WDR24: variants seen among roughly 807,000 people sequenced by gnomAD.
WDR24 encodes the protein WD repeat domain 24.
WDR24 carries 32 observed loss-of-function variants against 66.7 expected under a neutral mutation model. The ratio of observed to expected loss-of-function variants is 0.48; its 90% confidence interval spans 0.36 to 0.64. The LOEUF (loss-of-function observed/expected upper bound fraction) is 0.64, where lower values mean the gene tolerates loss of function less well. Among genes scored for constraint, WDR24 ranks in the 30% least tolerant of loss-of-function variants. The pLI, the probability that WDR24 is intolerant of heterozygous loss-of-function variation, is 0.00. For missense variants in WDR24, 978 were observed against 1,144.1 expected, an observed-to-expected ratio of 0.85 and a Z score of 2.09; for synonymous variants, 565 against 469.1, an observed-to-expected ratio of 1.20 and a Z score of -2.64.
rs573965981 is a variant in WDR24 at position 685,589 on chromosome 16, G to C, written c.1687C>G (p.Pro563Ala). 1.3e-6 allele frequency: 2 copies of C among 1,597,720 alleles called. No homozygotes were observed. Among genetic ancestry groups the C allele is most frequent in the East Asian group, 2.2e-5 (1 of 44,594 alleles). ...LDPEHAHPED[P>A]ECVLPQEAFP... ...GCCTCCTGCGGCAGCACGCACTCAG[G>C]GTCCTCGGCTGGAAGGCAGGGACCA... The change falls in exon 7 of 9, where the codon CCT (proline) becomes GCT (alanine). Residue 563 changes from proline to alanine, a missense_variant. By Grantham distance (27) the Pro-to-Ala change is conservative. This residue lies in a region of WDR24 where 676 missense variants were observed against 617.5 expected (regional missense o/e 1.09). Coordinates refer to ENST00000293883, the MANE Select transcript of WDR24 (RefSeq NM_032259.4).
rs375705950 is a variant in WDR24 at position 686,858 on chromosome 16, G to A, written c.1218C>T (p.Gly406=). The A allele has an allele frequency of 5.6e-5, 90 of 1,610,580 alleles. No homozygotes were observed. Among genetic ancestry groups the A allele is most frequent in the African/African-American group, 6.7e-5 (5 of 75,058 alleles). Residue 406 remains glycine, a synonymous_variant, in exon 3 of 9, where the codon GGC becomes GGT. Transcript: ENST00000293883. ...TGTCCACAAACCAGCGCATGCCGCC[G>A]CCACCTGGCTCCGTCTCAAAGACAC... ...ALSVFETEPG[G]GGMRWFVDTA... is the part of the protein sequence containing the mutation.
chr16:689,807 C>A lies in WDR24; in HGVS notation c.-167G>T. The A allele has an allele frequency of 9.1e-7, 1 of 1,103,294 alleles. No homozygotes were observed. Among genetic ancestry groups the A allele is most frequent in the Non-Finnish European group, 1.3e-6 (1 of 762,924 alleles). 68.3% of individuals were successfully genotyped at this position (1,103,294 alleles called of 1,614,324 possible). ...AGCCAATCCAGGGCTGTCTATCAGCCAATCAGCCTGACAGGCAAGCTCAAA... is the reference window on the plus strand; with the variant it reads ...AGCCAATCCAGGGCTGTCTATCAGCAAATCAGCCTGACAGGCAAGCTCAAA... On this transcript the variant is annotated 5_prime_UTR_variant, in exon 1 of 9. Coordinates refer to ENST00000293883, the MANE Select transcript of WDR24 (RefSeq NM_032259.4).
In WDR24 at chr16:685,884, G is replaced by C; in HGVS notation, c.1558C>G (p.Leu520Val). 2.5e-6 allele frequency: 4 copies of C among 1,613,220 alleles called. No homozygotes were observed. The highest frequency in any genetic ancestry group is 3.4e-6 in the Non-Finnish European group (4 of 1,179,998). ...DTVLLDSSAT[L>V]ITNEDNEETE... ...CCCAGCCTACCCTCATTGGTGATGAGTGTGGCCGAGGAGTCGAGCAGAACT... is the reference window on the plus strand; with the variant it reads ...CCCAGCCTACCCTCATTGGTGATGACTGTGGCCGAGGAGTCGAGCAGAACT... The change falls in exon 5 of 9, where the codon CTC (leucine) becomes GTC (valine). Residue 520 changes from leucine (L) to valine (V), a missense_variant. Physicochemically the swap from Leu to Val is conservative, Grantham distance 32 (BLOSUM62 1). Around this residue, in one of 2 missense-constraint regions of WDR24, gnomAD observed 676 missense variants for 617.5 expected, o/e 1.09. Transcript: ENST00000293883.
rs776275434 is a variant in WDR24, at chr16:685,692, C to T, written c.1665G>A (p.Pro555=). The T allele has an allele frequency of 6.8e-6, 11 of 1,613,136 alleles. No individual in the cohort carries two copies. The highest frequency in any genetic ancestry group is 5.0e-5 in the Admixed American group (3 of 60,022). Residue 555 remains proline, a synonymous_variant, in exon 6 of 9, where the codon CCG becomes CCA. Transcript: ENST00000293883. The part of the protein sequence containing the change: ...GEEDELYLLD[P]EHAHPEDPEC... ...ACCCCCACTCACGGTGCGCGTGTTCCGGATCCAGCAGGTACAGCTCGTCCT... is the reference window on the plus strand; with the variant it reads ...ACCCCCACTCACGGTGCGCGTGTTCTGGATCCAGCAGGTACAGCTCGTCCT...
chr16:685,215 C>G, intron 7 of WDR24, 39 bp from the exon 8 acceptor site: 2 of 1,597,856 alleles, frequency 1.3e-6, no homozygotes, highest in Middle Eastern at 1.7e-4. Flanking sequence ...ATCTGGGTGC[C>G]AGGGGCGGCG....
rs771124128 is a variant in WDR24, at chr16:685,509, C to A, written c.1767G>T (p.Gln589His). The A allele has an allele frequency of 6.3e-7, 1 of 1,593,972 alleles. No homozygotes were observed. The highest frequency in any genetic ancestry group is 8.6e-7 in the Non-Finnish European group (1 of 1,166,782). ...TCACGTGCGGGGAGTCGGCCTTGTC[C>A]TGCAGGTGCTCGGGCCCGGGAGGCG... ...VDTPPGPEHL[Q>H]DKADSPHVSG... Residue 589 changes from glutamine to histidine, a missense_variant, in exon 7 of 9, where the codon CAG becomes CAT. By Grantham distance (24) the Gln-to-His change is conservative (BLOSUM62 0). Transcript: ENST00000293883.
chr16:687,549 C>A lies in WDR24; in HGVS notation c.659+13G>T. On this transcript the variant is annotated intron_variant, in intron 2 of 8. Coordinates refer to ENST00000293883, the MANE Select transcript of WDR24 (RefSeq NM_032259.4). ...TACTGTCAACCTACTGCCCCTGCACCCCCATGCCACACCTGTCCTCGGGGT... is the reference window on the plus strand; with the variant it reads ...TACTGTCAACCTACTGCCCCTGCACACCCATGCCACACCTGTCCTCGGGGT... The A allele has an allele frequency of 6.2e-7, 1 of 1,610,448 alleles. No homozygotes were observed. Among genetic ancestry groups the A allele is most frequent in the African/African-American group, 1.3e-5 (1 of 75,040 alleles).
Position 685,304 on chromosome 16 carries a change from T to G in WDR24, c.1972A>C (p.Ile658Leu). 6.2e-7 allele frequency: 1 copy of G among 1,600,548 alleles called. No individual in the cohort carries two copies. ...TTGCGCACCCGTTCACCCAGGACGA[T>G]GAGCACAGACACAGCCATCTGCACG... ...GDVQMAVSVL[I>L]VLGERVRKDI... Residue 658 changes from isoleucine to leucine, a missense_variant, in exon 7 of 9, where the codon ATC becomes CTC. Ile to Leu is a conservative substitution (Grantham distance 5). This residue lies in a region of WDR24 where 676 missense variants were observed against 617.5 expected (regional missense o/e 1.09). Coordinates refer to ENST00000293883, the MANE Select transcript of WDR24 (RefSeq NM_032259.4).
intron 2 of WDR24, 68 bp downstream of exon 2, chr16:687,494 C>G (rs1185033236): frequency 6.3e-7 from 1 of 1,589,548 alleles, no homozygotes; most frequent in Non-Finnish European, 8.6e-7. Context: ...CTGCTCCGGA[C>G]TGTCTCATGG....
Position 685,744 on chromosome 16 carries a change from TA to T in WDR24, c.1612del (p.Tyr538ThrfsTer60). 1 of 1,613,260 alleles carries T rather than the reference TA, an allele frequency of 6.2e-7. No homozygotes were observed. Among genetic ancestry groups the T allele is most frequent in the Non-Finnish European group, 8.5e-7 (1 of 1,179,990 alleles). ...CTCACCTTCCACGTCACCCAGCAGG[TA>T]GTCGGCAGGTACGTCGCTGCCCTCG... The part of the protein sequence containing the change: ...ETEGSDVPAD[Y>X]LLGDVEGEED... On this transcript the variant is annotated frameshift_variant, in exon 6 of 9. Coordinates refer to ENST00000293883, the MANE Select transcript of WDR24 (RefSeq NM_032259.4). LOFTEE classifies it high-confidence loss of function.
At position 685,919 on chromosome 16, in the gene WDR24, C is replaced by T. The variant is rs1480952264; in HGVS notation, c.1523G>A (p.Arg508Gln). 8 of 1,613,218 alleles carry T rather than the reference C, an allele frequency of 5.0e-6. No homozygotes were observed. The highest frequency in any genetic ancestry group is 1.3e-5 in the African/African-American group (1 of 75,012). ...GGAGTCGAGCAGAACTGTGTCGCTC[C>T]GTGCATCTCCTTTGCTGCGGTCCAG... Reference protein sequence around the residue: ...TRLDRSKGDARSDTVLLDSSA... With the variant: ...TRLDRSKGDAQSDTVLLDSSA... The change falls in exon 5 of 9, where the codon CGG (arginine) becomes CAG (glutamine). Residue 508 changes from arginine (R) to glutamine (Q), a missense_variant. Around this residue, in one of 2 missense-constraint regions of WDR24, gnomAD observed 676 missense variants for 617.5 expected, o/e 1.09. Transcript: ENST00000293883.
chr16:687,812 C>T lies in WDR24; in HGVS notation c.482-73G>A, dbSNP rs1329136771. 13 of 1,549,124 alleles carry T rather than the reference C, an allele frequency of 8.4e-6. No individual in the cohort carries two copies. In the African/African-American group the frequency reaches 1.5e-4, roughly 18 times the overall value. On this transcript the variant is annotated intron_variant, in intron 1 of 8. Coordinates refer to ENST00000293883, the MANE Select transcript of WDR24 (RefSeq NM_032259.4). ...AGGTGCGCCCTCAGAACAGCTGTGG[C>T]ATGGTGTCACACACCTGCCTGTGGC... is the stretch of plus-strand genomic sequence containing the variant.
At chr16:685,209 G>GATCCT in intron 7 of WDR24, 33 bp from the exon 8 acceptor site, 2 of 1,598,190 alleles carry the variant, frequency 1.3e-6, no homozygotes, top group South Asian at 2.2e-5. Flanking sequence ...GTCAGGATCT[G>GATCCT]GGTGCCAGGG....
chr16:685,521 G>A lies in WDR24; in HGVS notation c.1755C>T (p.Pro585=), dbSNP rs770262152. 11 of 1,588,732 alleles carry A rather than the reference G, an allele frequency of 6.9e-6. No homozygotes were observed. In the Admixed American group the frequency reaches 1.9e-4, roughly 27 times the overall value. Residue 585 remains proline (P), a synonymous_variant, in exon 7 of 9, where the codon CCC becomes CCT. Coordinates refer to ENST00000293883, the MANE Select transcript of WDR24 (RefSeq NM_032259.4). ...RHEIVDTPPG[P]EHLQDKADSP... ...AGTCGGCCTTGTCCTGCAGGTGCTC[G>A]GGCCCGGGAGGCGTGTCCACGATCT...
rs1596567503 is a variant in WDR24 at position 687,813 on chromosome 16, A to G, written c.482-74T>C. On this transcript the variant is annotated intron_variant, in intron 1 of 8. Transcript: ENST00000293883. ...GGTGCGCCCTCAGAACAGCTGTGGCATGGTGTCACACACCTGCCTGTGGCC... is the reference window on the plus strand; with the variant it reads ...GGTGCGCCCTCAGAACAGCTGTGGCGTGGTGTCACACACCTGCCTGTGGCC... The G allele has an allele frequency of 2.6e-6, 4 of 1,549,784 alleles. No homozygotes were observed. The Admixed American group carries it at 7.6e-5, about 29-fold the overall frequency.
Position 689,950 on chromosome 16 carries a change from T to C in WDR24, c.-310A>G, listed in dbSNP as rs1567295237. 2 of 590,988 alleles carry C rather than the reference T, an allele frequency of 3.4e-6. No homozygotes were observed. The highest frequency in any genetic ancestry group is 3.0e-5 in the South Asian group (2 of 65,842). 36.6% of individuals were successfully genotyped at this position (590,988 alleles called of 1,614,324 possible). The stretch of plus-strand genomic sequence containing the variant: ...TTCCACGGAAGACTCTAGCTGGACA[T>C]TCCCGGCCCAGGCCACCTCTCGGTA... On this transcript the variant is annotated 5_prime_UTR_variant, in exon 1 of 9. It removes an upstream start codon present in the reference 5' UTR. Transcript: ENST00000293883.
Position 689,209 on chromosome 16 carries a change from G to A in WDR24, c.432C>T (p.Phe144=), listed in dbSNP as rs2039941075. 3 of 1,613,754 alleles carry A rather than the reference G, an allele frequency of 1.9e-6. No homozygotes were observed. In the African/African-American group the frequency reaches 4.0e-5, roughly 22 times the overall value. The change falls in exon 1 of 9, where the codon TTC becomes TTT. Residue 144 remains phenylalanine, a synonymous_variant. Coordinates refer to ENST00000293883, the MANE Select transcript of WDR24 (RefSeq NM_032259.4). ...TTCTGCGGAGGTCAAAGCACTTCAT[G>A]AAGCCATCCTGGGAGCCACTGAGCA... ...HVLLSGSQDG[F]MKCFDLRRKD... is the part of the protein sequence containing the mutation.
rs763837298 is a variant in WDR24 at position 686,175 on chromosome 16, C to T, written c.1344G>A (p.Thr448=). The T allele has an allele frequency of 2.5e-5, 41 of 1,612,656 alleles. No homozygotes were observed. The highest frequency in any genetic ancestry group is 2.2e-4 in the East Asian group (10 of 44,890). ...RELGRNQVAQ[T]WTMLRIIYCS... ...AGTAGATGATCCGCAGCATGGTCCA[C>T]GTTTGCGCCACCTAGGGGCGGGCAC... The change falls in exon 4 of 9, where the codon ACG becomes ACA. Residue 448 remains threonine, a synonymous_variant. Transcript: ENST00000293883.
chr16:687,511 G>A lies in WDR24; in HGVS notation c.659+51C>T, dbSNP rs1373031273. Reference sequence around the variant, plus strand: ...GCTCCGGACTGTCTCATGGATCTGAGGCAGTGAGAGCTTACTGTCAACCTA... The same window carrying A: ...GCTCCGGACTGTCTCATGGATCTGAAGCAGTGAGAGCTTACTGTCAACCTA... On this transcript the variant is annotated intron_variant, in intron 2 of 8. Coordinates refer to ENST00000293883, the MANE Select transcript of WDR24 (RefSeq NM_032259.4). 5 of 1,599,100 alleles carry A rather than the reference G, an allele frequency of 3.1e-6. No homozygotes were observed. The South Asian group carries it at 3.3e-5, about 11-fold the overall frequency.
Sources: gnomAD v4.1 joint callset for allele counts on GRCh38, gnomAD v4.1.1 for gene constraint, gnomAD v4.1.1 regional missense constraint, MANE v1.5 for transcripts, NCBI Gene and HGNC (gene_info 2026-07-23, HGNC 2026-07-21) for gene names.